SCLT1: variants seen among roughly 807,000 people sequenced by gnomAD.
SCLT1 encodes the protein sodium channel-associated protein 1.
Under a neutral mutation model 112.8 loss-of-function variants are expected in SCLT1, and 78 were observed. That is an observed-to-expected ratio of 0.69 (90% CI 0.58 to 0.83). SCLT1 has a LOEUF of 0.83. SCLT1 is among the 40% of genes least tolerant of loss of function. The pLI, the probability that SCLT1 is intolerant of heterozygous loss-of-function variation, is 0.00. For synonymous variants in SCLT1, 257 were observed against 254.7 expected (o/e 1.01, Z -0.09); for missense variants, 747 against 770.4 (o/e 0.97, Z 0.36).
intron 6 of SCLT1, among the ~76,000 whole-genome samples, chr4:129,001,272 G>A (rs1294983199): frequency 2.8e-5 from 4 of 143,090 alleles, no homozygotes; most frequent in Admixed American, 2.8e-4. Context: ...CAACACCTCA[G>A]AACTGTTAGA....
intron 17 of SCLT1, among the ~76,000 whole-genome samples, chr4:128,939,216 C>T (rs1485759031): frequency 6.6e-6 from 1 of 152,094 alleles, no homozygotes; most frequent in African/African-American, 2.4e-5. Context: ...ACTATAATGC[C>T]TTTTTATTCT....
chr4:128,974,890 C>T (rs1237420560), intron 9 of SCLT1, among the ~76,000 whole-genome samples: 1 of 151,778 alleles, frequency 6.6e-6, no homozygotes, highest in African/African-American at 2.4e-5. Context: ...GTCATAACTA[C>T]CAAAGGATTT....
chr4:129,093,073 G>A lies in SCLT1; in HGVS notation c.31C>T (p.Gln11Ter). The A allele has an allele frequency of 6.2e-7, 1 of 1,609,656 alleles. No individual in the cohort carries two copies. The highest frequency in any genetic ancestry group is 8.5e-7 in the Non-Finnish European group (1 of 1,175,946). MAAEIDFLREQNRRLNEDFRR... is the reference protein window; with the variant it reads MAAEIDFLRE ...CTCAAAAAAACATGGAGCTTACTTT[G>A]CTCTCTCAGAAAGTCGATTTCTGCA... is the stretch of plus-strand genomic sequence containing the variant. Residue 11 changes from glutamine to a stop codon, truncating the protein, a stop_gained, in exon 1 of 21, where the codon CAA (glutamine) becomes TAA (stop). Transcript: ENST00000281142. LOFTEE classifies it high-confidence loss of function.
At chr4:129,006,730 C>CTGG (rs1744062129) in intron 5 of SCLT1, among the ~76,000 whole-genome samples, 1 of 151,954 alleles carries the variant, frequency 6.6e-6, no homozygotes, top group South Asian at 2.1e-4. Context: ...GAATAGATGT[C>CTGG]CAATCTTGCG....
chr4:129,068,767 T>C (rs1319863336), intron 2 of SCLT1, among the ~76,000 whole-genome samples: 1 of 152,124 alleles, frequency 6.6e-6, no homozygotes, highest in Non-Finnish European at 1.5e-5. Flanking sequence ...ACAAAAGCCC[T>C]TTAGTTTAAT....
At chr4:129,052,981 A>AT (rs762729796) in intron 2 of SCLT1, among the ~76,000 whole-genome samples, 1 of 152,014 alleles carries the variant, frequency 6.6e-6, no homozygotes, top group Non-Finnish European at 1.5e-5. Context: ...TCATTTCGTT[A>AT]TTTACCCAGT....
chr4:128,939,848 C>CT (rs1335382666), intron 17 of SCLT1, among the ~76,000 whole-genome samples: 2 of 152,144 alleles, frequency 1.3e-5, no homozygotes, highest in Non-Finnish European at 2.9e-5. Context: ...AGATCATACT[C>CT]TTTTGCAAGA....
chr4:129,013,779 G>A (rs1266434964), intron 5 of SCLT1, among the ~76,000 whole-genome samples: 1 of 152,126 alleles, frequency 6.6e-6, no homozygotes, highest in Non-Finnish European at 1.5e-5. Context: ...TGATGATTAT[G>A]TGTCTTGCGG....
chr4:128,891,284 G>A (rs752556791), intron 18 of SCLT1, 147 bp from the exon 19 acceptor site: 49 of 614,620 alleles, frequency 8.0e-5, no homozygotes, highest in Middle Eastern at 4.2e-4. Flanking sequence ...CATATCTCAA[G>A]GACTTGTTTA....
rs1415970337 is a variant in SCLT1 at position 129,073,915 on chromosome 4, T to G, written c.102+8391A>C. Among the ~76,000 whole-genome samples, 2 of 152,172 alleles carry G rather than the reference T, an allele frequency of 1.3e-5. 1 individual carries two copies. Among genetic ancestry groups the G allele is most frequent in the Non-Finnish European group, 2.9e-5 (2 of 68,020 alleles). The stretch of plus-strand genomic sequence containing the variant: ...ATACAACTCTCATTTTCTCATCTCC[T>G]TTGGCTTCTTATGCTAGTGGGTCCA... On this transcript the variant is annotated intron_variant, in intron 2 of 20. Coordinates refer to ENST00000281142, the MANE Select transcript of SCLT1 (RefSeq NM_144643.4).
chr4:129,039,271 C>T (rs1018581177), intron 4 of SCLT1, 175 bp from the exon 5 acceptor site: 1 of 489,938 alleles, frequency 2.0e-6, no homozygotes, highest in Admixed American at 3.8e-5. Context: ...AAACAGAACA[C>T]AATAAAACAT....
intron 5 of SCLT1, among the ~76,000 whole-genome samples, chr4:129,006,937 T>C (rs1177345891): frequency 6.6e-6 from 1 of 152,218 alleles, no homozygotes; most frequent in East Asian, 1.9e-4. Context: ...AACGCCGACG[T>C]TATGTTATTT....
chr4:129,044,835 A>G (rs1748033734), intron 2 of SCLT1, among the ~76,000 whole-genome samples: 1 of 151,232 alleles, frequency 6.6e-6, no homozygotes, highest in South Asian at 2.1e-4. Flanking sequence ...ACCAAAAAAA[A>G]AAAAAAAAGG....
At chr4:129,072,005 G>C (rs1751054597) in intron 2 of SCLT1, among the ~76,000 whole-genome samples, 1 of 152,126 alleles carries the variant, frequency 6.6e-6, no homozygotes, top group Non-Finnish European at 1.5e-5. Context: ...TTGTAGTGGT[G>C]GCTTGGTAAT....
intron 2 of SCLT1, among the ~76,000 whole-genome samples, chr4:129,046,493 T>C (rs1175284485): frequency 6.6e-6 from 1 of 152,138 alleles, no homozygotes; most frequent in Admixed American, 6.6e-5. Context: ...TCATTCTTAC[T>C]GCTGTGAGTA....
chr4:128,978,843 T>G (rs1300836712), intron 9 of SCLT1, among the ~76,000 whole-genome samples: 1 of 151,936 alleles, frequency 6.6e-6, no homozygotes, highest in Admixed American at 6.6e-5. Flanking sequence ...CAGGAGGGAA[T>G]AGAAAGAATT....
chr4:128,979,956 T>C lies in SCLT1; in HGVS notation c.687-9488A>G, dbSNP rs151215671. Among the ~76,000 whole-genome samples the C allele has an allele frequency of 9.4e-4, 143 of 152,282 alleles. 2 individuals are homozygous for C. The Middle Eastern group carries it at 0.01, about 11-fold the overall frequency. On this transcript the variant is annotated intron_variant, in intron 9 of 20. Transcript: ENST00000281142. ...TCTCTTAAAGATTGAGAGAAAAAGA[T>C]ATATAAACATTATTGAATAAAGGTG...
At chr4:128,992,319 GA>G in intron 8 of SCLT1, 82 bp from the exon 9 acceptor site, 8 of 859,194 alleles carry the variant, frequency 9.3e-6, no homozygotes, top group East Asian at 2.7e-5. Flanking sequence ...CATACAAGTA[GA>G]AAAAAAGTTT....
At chr4:128,990,800 GAAA>G (rs538436736) in intron 9 of SCLT1, among the ~76,000 whole-genome samples, 1 of 140,782 alleles carries the variant, frequency 7.1e-6, no homozygotes, top group African/African-American at 2.6e-5. Flanking sequence ...TGAACAGTCT[GAAA>G]AAAAAAACAA....
Sources: gnomAD v4.1 joint callset for allele counts (sites outside exome capture counted in the v4.1 genomes callset) on GRCh38, gnomAD v4.1.1 for gene constraint, MANE v1.5 for transcripts, NCBI Gene and HGNC (gene_info 2026-07-23, HGNC 2026-07-21) for gene names.